The following MAP7D2 variants were observed in gnomAD, a reference collection of about 807,000 sequenced individuals.
The protein encoded by MAP7D2 is MAP7 domain containing 2, also known as MAP7 domain-containing protein 2.
Under a neutral mutation model 63.5 loss-of-function variants are expected in MAP7D2, and 33 were observed. That is an observed-to-expected ratio of 0.52 (90% CI 0.39 to 0.70). The LOEUF is 0.70. Among genes scored for constraint, MAP7D2 ranks in the 30% least tolerant of loss-of-function variants. The pLI, the probability that MAP7D2 is intolerant of heterozygous loss-of-function variation, is 0.00. For synonymous variants in MAP7D2, 224 were observed against 223.7 expected, an observed-to-expected ratio of 1.00 and a Z score of -0.01; for missense variants, 626 against 604.0, an observed-to-expected ratio of 1.04 and a Z score of -0.38.
intron 1 of MAP7D2, among the ~76,000 whole-genome samples, chrX:20,075,557 G>C (rs2065622411): frequency 9.0e-6 from 1 of 110,809 alleles, no homozygotes; most frequent in Non-Finnish European, 1.9e-5. Flanking sequence ...GTGAGGGAAG[G>C]GTTTTGTGTG....
chrX:20,091,198 G>A (rs758476362), intron 1 of MAP7D2, among the ~76,000 whole-genome samples: 153 of 106,671 alleles, frequency 1.4e-3, no homozygotes, highest in Non-Finnish European at 1.4e-3. Flanking sequence ...GATTACAGGC[G>A]GCCACCACCA....
Position 20,116,749 on chromosome X carries a change from C to A in MAP7D2, c.130+1G>T. The A allele has an allele frequency of 8.5e-7, 1 of 1,177,309 alleles. No individual in the cohort carries two copies. The highest frequency in any genetic ancestry group is 1.1e-6 in the Non-Finnish European group (1 of 879,477). On this transcript the variant is annotated splice_donor_variant, in intron 1 of 16. Coordinates refer to ENST00000379643, the MANE Select transcript of MAP7D2 (RefSeq NM_001168465.2). LOFTEE classifies it high-confidence loss of function. Reference sequence around the variant, plus strand: ...CGCCCGCCACACTCTGGGGATAATACCTTGAGGCCGGTAGTTGGGCTGAGA... The same window carrying A: ...CGCCCGCCACACTCTGGGGATAATAACTTGAGGCCGGTAGTTGGGCTGAGA...
chrX:20,044,509 G>C lies in MAP7D2; in HGVS notation c.734C>G (p.Pro245Arg). The part of the protein sequence containing the change: ...QANDSVFHVC[P>R]RLAPLGPLNP... ...AAGAGGGCCAAGAGGAGCTAAACGA[G>C]GACAGACATGGAATACTAGAAAGTT... Residue 245 changes from proline to arginine, a missense_variant, in exon 7 of 17, where the codon CCT becomes CGT. Coordinates refer to ENST00000379643, the MANE Select transcript of MAP7D2 (RefSeq NM_001168465.2). 1 of 1,209,174 alleles carries C rather than the reference G, an allele frequency of 8.3e-7. No homozygotes were observed.
At chrX:20,027,757 G>GGAGAGAGAGAGAGA (rs56796954) in intron 8 of MAP7D2, among the ~76,000 whole-genome samples, 3 of 76,247 alleles carry the variant, frequency 3.9e-5, no homozygotes, top group African/African-American at 1.7e-4. Context: ...GAAGGCGGGG[G>GGAGAGAGAGAGAGA]GAGAGAGAGA....
At chrX:20,021,987 C>T (rs1655513597) in intron 10 of MAP7D2, among the ~76,000 whole-genome samples, 1 of 112,038 alleles carries the variant, frequency 8.9e-6, no homozygotes, top group African/African-American at 3.2e-5. Context: ...TATGTCCCAG[C>T]CTTTTAAGGT....
At chrX:20,114,460 T>G (rs986303021) in intron 1 of MAP7D2, among the ~76,000 whole-genome samples, 3 of 112,901 alleles carry the variant, frequency 2.7e-5, no homozygotes, top group African/African-American at 9.7e-5. Context: ...TTAAGCAGAT[T>G]GAAACAAGCA....
chrX:20,048,002 A>C (rs2064845918), intron 6 of MAP7D2, among the ~76,000 whole-genome samples: 1 of 110,999 alleles, frequency 9.0e-6, no homozygotes, highest in African/African-American at 3.3e-5. Context: ...GGCCCTACTG[A>C]AAAATTTTCT....
intron 1 of MAP7D2, among the ~76,000 whole-genome samples, chrX:20,107,617 AT>A (rs761314517): frequency 2.7e-5 from 3 of 110,295 alleles, no homozygotes; most frequent in African/African-American, 1.0e-4. Context: ...GAAAGATAAT[AT>A]TTTGGAACAT....
intron 1 of MAP7D2, among the ~76,000 whole-genome samples, chrX:20,097,884 T>G (rs1260231961): frequency 2.7e-5 from 3 of 111,390 alleles, no homozygotes; most frequent in Non-Finnish European, 5.7e-5. Flanking sequence ...TGTTCATCTA[T>G]AGCCTTATGG....
chrX:20,098,859 T>C (rs917974561), intron 1 of MAP7D2, among the ~76,000 whole-genome samples: 5 of 112,309 alleles, frequency 4.5e-5, no homozygotes, highest in Non-Finnish European at 9.4e-5. Context: ...CAGGCAGAGA[T>C]AAGTGGATGT....
intron 5 of MAP7D2, 113 bp from the exon 6 acceptor site, chrX:20,051,059 G>A: frequency 1.6e-6 from 1 of 609,494 alleles, no homozygotes; most frequent in Non-Finnish European, 2.4e-6. Context: ...GGCAGAACAT[G>A]GAAAATAAAA....
intron 1 of MAP7D2, among the ~76,000 whole-genome samples, chrX:20,069,711 A>G (rs1197407844): frequency 9.1e-6 from 1 of 109,816 alleles, no homozygotes; most frequent in Non-Finnish European, 1.9e-5. Flanking sequence ...ATACTGTTCT[A>G]TAGTTTTGTA....
chrX:20,091,092 G>C (rs2066057694), intron 1 of MAP7D2, among the ~76,000 whole-genome samples: 1 of 96,227 alleles, frequency 1.0e-5, no homozygotes, highest in Admixed American at 1.2e-4. Flanking sequence ...TGCTCTTGTT[G>C]CCCAGGCTGG....
chrX:20,057,230 T>C (rs2065089774), intron 3 of MAP7D2, among the ~76,000 whole-genome samples: 1 of 112,759 alleles, frequency 8.9e-6, no homozygotes, highest in African/African-American at 3.2e-5. Context: ...GGGTGATACA[T>C]GACACTGAGA....
Position 20,072,953 on chromosome X carries a change from T to A in MAP7D2, c.131-8148A>T, listed in dbSNP as rs73445275. On this transcript the variant is annotated intron_variant, in intron 1 of 16. Coordinates refer to ENST00000379643, the MANE Select transcript of MAP7D2 (RefSeq NM_001168465.2). ...GGCAGTGGTGACAGTTTCACAACAT[T>A]GCGAATGTACAAAATGCCACCAGAT... 1.3e-3 allele frequency among the ~76,000 whole-genome samples: 150 copies of A among 111,788 alleles called. 1 individual carries two copies. The highest frequency in any genetic ancestry group is 4.6e-3 in the Middle Eastern group (1 of 218).
At chrX:20,112,107 C>A (rs188267572) in intron 1 of MAP7D2, among the ~76,000 whole-genome samples, 1 of 111,758 alleles carries the variant, frequency 8.9e-6, no homozygotes, top group African/African-American at 3.3e-5. Context: ...GAGGGTGGGA[C>A]GGATGAAGCG....
At chrX:20,029,372 C>T (rs1462914968) in intron 8 of MAP7D2, among the ~76,000 whole-genome samples, 5 of 112,050 alleles carry the variant, frequency 4.5e-5, no homozygotes. Context: ...GTGGCAGGAG[C>T]CTGTTGGCTA....
At chrX:20,021,952 C>T (rs2073663671) in intron 10 of MAP7D2, among the ~76,000 whole-genome samples, 1 of 111,880 alleles carries the variant, frequency 8.9e-6, no homozygotes, top group Non-Finnish European at 1.9e-5. Context: ...ATTTACTGAG[C>T]GCCAGGCACC....
intron 1 of MAP7D2, among the ~76,000 whole-genome samples, chrX:20,075,595 T>C (rs2065623774): frequency 9.0e-6 from 1 of 111,159 alleles, no homozygotes; most frequent in Non-Finnish European, 1.9e-5. Flanking sequence ...TGTGTGGGTG[T>C]GTCAGTGTGT....
Sources: gnomAD v4.1 joint callset for allele counts (sites outside exome capture counted in the v4.1 genomes callset) on GRCh38, gnomAD v4.1.1 for gene constraint, MANE v1.5 for transcripts, NCBI Gene and HGNC (gene_info 2026-07-23, HGNC 2026-07-21) for gene names.